Variants in DCAF6 observed in about 807,000 individuals in gnomAD.
The protein encoded by DCAF6 is DDB1- and CUL4-associated factor 6.
A neutral mutation model predicts 125.1 loss-of-function variants in DCAF6; 54 were observed. That is an observed-to-expected ratio of 0.43 (90% CI 0.35 to 0.54). The LOEUF (loss-of-function observed/expected upper bound fraction) is 0.54, where lower values mean the gene tolerates loss of function less well. Among genes scored for constraint, DCAF6 ranks in the 20% least tolerant of loss-of-function variants. The pLI is 0.01. For missense variants in DCAF6, 934 were observed against 1,161.7 expected (o/e 0.80, Z 2.85); for synonymous variants, 371 against 390.4 (o/e 0.95, Z 0.58).
chr1:167,882,905 T>C, the DCAF6 span, among the ~76,000 whole-genome samples: 1 of 152,216 alleles, frequency 6.6e-6, no homozygotes, highest in Non-Finnish European at 1.5e-5. Context: ...AGCAACCTAC[T>C]GCTCAGAGTG....
chr1:168,036,109 T>G (rs1687774609), intron 12 of DCAF6, among the ~76,000 whole-genome samples: 1 of 152,154 alleles, frequency 6.6e-6, no homozygotes, highest in Non-Finnish European at 1.5e-5. Flanking sequence ...TAGTAGATAC[T>G]GTAGGAAGAA....
At chr1:167,995,303 AT>A (rs202075843) in intron 7 of DCAF6, among the ~76,000 whole-genome samples, 3 of 151,656 alleles carry the variant, frequency 2.0e-5, no homozygotes, top group Admixed American at 1.3e-4. Flanking sequence ...AGTCATGAAC[AT>A]TTTTTTTTCT....
At chr1:168,037,767 G>GAAAT (rs1380794259) in intron 12 of DCAF6, among the ~76,000 whole-genome samples, 1 of 152,062 alleles carries the variant, frequency 6.6e-6, no homozygotes. Flanking sequence ...AAGAGAAACG[G>GAAAT]AAATATACCA....
At chr1:167,930,130 A>C in the DCAF6 span, among the ~76,000 whole-genome samples, 55 of 152,210 alleles carry the variant, frequency 3.6e-4, no homozygotes, top group African/African-American at 1.1e-3. Flanking sequence ...AGAGCCATAT[A>C]ATTTTAATAT....
the DCAF6 span, among the ~76,000 whole-genome samples, chr1:167,881,627 A>G: frequency 2.6e-5 from 4 of 152,230 alleles, no homozygotes; most frequent in African/African-American, 7.2e-5. Context: ...TTTATTGCAC[A>G]CTGACTCTAA....
At chr1:167,901,715 C>T in the DCAF6 span, 1 of 1,614,192 alleles carries the variant, frequency 6.2e-7, no homozygotes, top group East Asian at 2.2e-5. Flanking sequence ...CTCAAACAAT[C>T]CATGGATCTC....
chr1:167,937,186 C>T (rs1571540743), intron 1 of DCAF6, 178 bp downstream of exon 1: 7 of 616,722 alleles, frequency 1.1e-5, no homozygotes, highest in Admixed American at 6.0e-5. Flanking sequence ...CAGTCAAGCC[C>T]CCTGTGCATG....
In DCAF6 at chr1:168,075,534, G is replaced by A; in HGVS notation, c.*99G>A. The stretch of plus-strand genomic sequence containing the variant: ...AGCTTTAGTGCAATTTTAAGGTTAT[G>A]GTTTTTGGAGTTTTTCCCTTTTTTT... On this transcript the variant is annotated 3_prime_UTR_variant, in exon 22 of 22. Coordinates refer to ENST00000367840, the MANE Select transcript of DCAF6 (RefSeq NM_001198956.2). 9.1e-7 allele frequency: 1 copy of A among 1,101,006 alleles called. No homozygotes were observed. The allele number at this position is 1,101,006 out of a possible 1,614,324, so 68.2% of individuals were successfully genotyped here. A position where few individuals can be genotyped will look rare whatever the true frequency, so the allele number is the denominator to read the frequency against.
Position 168,044,728 on chromosome 1 carries a change from A to C in DCAF6, c.1930+57A>C, listed in dbSNP as rs185826072. On this transcript the variant is annotated intron_variant, in intron 15 of 21. Transcript: ENST00000367840. ...ATGGGAAAATAAAAAGCCTTAATCT[A>C]TGTTAATCTCTCTATAGTTAGAGGC... 5.4e-6 allele frequency: 8 copies of C among 1,487,424 alleles called. No individual in the cohort carries two copies. In the East Asian group the frequency reaches 1.8e-4, roughly 34 times the overall value. The allele number at this position is 1,487,424 out of a possible 1,614,324, so 92.1% of individuals were successfully genotyped here. A position where few individuals can be genotyped will look rare whatever the true frequency, so the allele number is the denominator to read the frequency against.
intron 21 of DCAF6, among the ~76,000 whole-genome samples, chr1:168,071,486 T>C (rs114352374): frequency 0.011 from 1,709 of 151,804 alleles, 29 homozygotes; most frequent in African/African-American, 0.038. Context: ...ATACAAAAAT[T>C]AGCTGGACGT....
rs12038687 is a variant in DCAF6 at position 167,941,824 on chromosome 1, G to A, written c.97+4816G>A. ...TGTACATCTTGGACAAAATAACTAG[G>A]GTCGAACACTTTTAAATAGATATCT... On this transcript the variant is annotated intron_variant, in intron 1 of 21. Transcript: ENST00000367840. Among the ~76,000 whole-genome samples, 113 of 152,142 alleles carry A rather than the reference G, an allele frequency of 7.4e-4. No individual in the cohort carries two copies. The East Asian group carries it at 0.018, about 24-fold the overall frequency.
chr1:167,934,318 A>G (rs971518972), upstream of DCAF6, among the ~76,000 whole-genome samples: 12 of 152,140 alleles, frequency 7.9e-5, no homozygotes, highest in Non-Finnish European at 7.3e-5. Context: ...CTAAAACACA[A>G]AGCTTATGAA....
the DCAF6 span, chr1:167,904,958 C>T: frequency 6.2e-7 from 1 of 1,614,114 alleles, no homozygotes; most frequent in Non-Finnish European, 8.5e-7. Flanking sequence ...GCCTGTTGCT[C>T]ATCCACATTA....
chr1:168,024,613 C>T (rs1174812868), intron 12 of DCAF6, among the ~76,000 whole-genome samples: 1 of 152,044 alleles, frequency 6.6e-6, no homozygotes, highest in African/African-American at 2.4e-5. Flanking sequence ...TGAGACCAAC[C>T]TGGCCAACAT....
Position 167,993,459 on chromosome 1 carries a change from A to T in DCAF6, c.903+19A>T, listed in dbSNP as rs1251935982. The T allele has an allele frequency of 6.2e-7, 1 of 1,609,148 alleles. No individual in the cohort carries two copies. Among genetic ancestry groups the T allele is most frequent in the Non-Finnish European group, 8.5e-7 (1 of 1,175,820 alleles). ...AGAAGAGGTAGGTTTACTCAAAACC[A>T]TGTCCTTTGGCCGGGCGCGGTGGCT... On this transcript the variant is annotated intron_variant, in intron 7 of 21. Coordinates refer to ENST00000367840, the MANE Select transcript of DCAF6 (RefSeq NM_001198956.2).
At chr1:167,940,146 G>T (rs1487815129) in intron 1 of DCAF6, among the ~76,000 whole-genome samples, 2 of 152,078 alleles carry the variant, frequency 1.3e-5, no homozygotes, top group South Asian at 2.1e-4. Flanking sequence ...TCCCATCAAA[G>T]AAAATTATAC....
chr1:168,030,724 GT>G (rs1211805856), intron 12 of DCAF6, among the ~76,000 whole-genome samples: 2 of 152,182 alleles, frequency 1.3e-5, no homozygotes, highest in Non-Finnish European at 2.9e-5. Flanking sequence ...TATGTAGATA[GT>G]TTAGTAATAA....
At chr1:167,899,559 C>T in the DCAF6 span, 1 of 1,614,212 alleles carries the variant, frequency 6.2e-7, no homozygotes, top group Non-Finnish European at 8.5e-7. Flanking sequence ...CACTGCCTGA[C>T]CAATCACCAG....
intron 11 of DCAF6, among the ~76,000 whole-genome samples, chr1:168,018,575 C>T (rs1685276956): frequency 6.6e-6 from 1 of 151,952 alleles, no homozygotes; most frequent in African/African-American, 2.4e-5. Context: ...TTTTTGACAC[C>T]TGTAAATGAT....
Sources: gnomAD v4.1 joint callset for allele counts (sites outside exome capture counted in the v4.1 genomes callset) on GRCh38, gnomAD v4.1.1 for gene constraint, MANE v1.5 for transcripts, NCBI Gene and HGNC (gene_info 2026-07-23, HGNC 2026-07-21) for gene names.